Variants in NSUN6 observed in about 807,000 individuals in gnomAD.
The protein encoded by NSUN6 is tRNA (cytosine(72)-C(5))-methyltransferase NSUN6.
A neutral mutation model predicts 58.0 loss-of-function variants in NSUN6; 64 were observed. The ratio of observed to expected loss-of-function variants is 1.10; its 90% CI spans 0.90 to 1.36. The LOEUF (loss-of-function observed/expected upper bound fraction) is 1.36. Among genes scored for constraint, NSUN6 ranks in the 40% most tolerant of loss-of-function variants. The pLI is 0.00. For missense variants in NSUN6, 701 were observed against 550.1 expected, an observed-to-expected ratio of 1.27 and a Z score of -2.74; for synonymous variants, 231 against 193.9, an observed-to-expected ratio of 1.19 and a Z score of -1.59.
intron 9 of NSUN6, 127 bp from the exon 10 acceptor site, chr10:18,548,364 G>A (rs2054414984): frequency 1.3e-6 from 1 of 770,444 alleles, no homozygotes; most frequent in Admixed American, 3.1e-5. Context: ...TATGTGACAA[G>A]GATTCCTTCT....
At chr10:18,560,340 G>C (rs1316458316) in intron 8 of NSUN6, among the ~76,000 whole-genome samples, 6 of 150,244 alleles carry the variant, frequency 4.0e-5, no homozygotes, top group Non-Finnish European at 7.5e-5. Flanking sequence ...AATGGTATGA[G>C]AAATGTAATG....
At chr10:18,619,114 C>T (rs1194012895) in intron 3 of NSUN6, among the ~76,000 whole-genome samples, 3 of 152,170 alleles carry the variant, frequency 2.0e-5, no homozygotes, top group Admixed American at 2.0e-4. Context: ...CTGATTCTTA[C>T]TCATAGTGGT....
At chr10:18,631,122 C>T (rs563906361) in intron 3 of NSUN6, among the ~76,000 whole-genome samples, 1 of 152,270 alleles carries the variant, frequency 6.6e-6, no homozygotes, top group South Asian at 2.1e-4. Context: ...TAAATGTAAT[C>T]CAGCATATAA....
chr10:18,638,341 A>G (rs2059284152), intron 3 of NSUN6, among the ~76,000 whole-genome samples: 1 of 152,072 alleles, frequency 6.6e-6, no homozygotes, highest in Non-Finnish European at 1.5e-5. Flanking sequence ...ACTCGGGAGC[A>G]TGAGGCAGGA....
At chr10:18,635,083 A>T (rs976052483) in intron 3 of NSUN6, among the ~76,000 whole-genome samples, 12 of 152,180 alleles carry the variant, frequency 7.9e-5, no homozygotes, top group African/African-American at 2.9e-4. Context: ...GGATTTTGGT[A>T]TGTGCTACGC....
At chr10:18,560,741 G>C (rs1379817586) in intron 8 of NSUN6, among the ~76,000 whole-genome samples, 1 of 150,622 alleles carries the variant, frequency 6.6e-6, no homozygotes, top group Non-Finnish European at 1.5e-5. Context: ...GAATGGAATA[G>C]AGAATGGAAT....
chr10:18,546,335 C>T (rs1589799071), intron 10 of NSUN6, among the ~76,000 whole-genome samples, 190 bp from the exon 11 acceptor site: 1 of 152,282 alleles, frequency 6.6e-6, no homozygotes, highest in African/African-American at 2.4e-5. Flanking sequence ...GAAAGCAATA[C>T]TATGCGTCAC....
intron 6 of NSUN6, among the ~76,000 whole-genome samples, chr10:18,603,137 A>G (rs1204212992): frequency 6.6e-6 from 1 of 152,134 alleles, no homozygotes; most frequent in Non-Finnish European, 1.5e-5. Flanking sequence ...TACTAAAAAT[A>G]TGAAAATTAG....
Position 18,565,155 on chromosome 10 carries a change from C to G in NSUN6, c.923-13184G>C, listed in dbSNP as rs117508183. The stretch of plus-strand genomic sequence containing the variant: ...TCCATTCTCCATTGCATACCATTCT[C>G]CATTTCATTCCCTTTCATTCTCTGT... On this transcript the variant is annotated intron_variant, in intron 8 of 10. Coordinates refer to ENST00000377304, the MANE Select transcript of NSUN6 (RefSeq NM_182543.5). 2.0e-3 allele frequency among the ~76,000 whole-genome samples: 297 copies of G among 151,326 alleles called. 4 individuals carry two copies. The South Asian group carries it at 0.033, about 17-fold the overall frequency.
chr10:18,597,292 G>T (rs922402833), intron 6 of NSUN6, among the ~76,000 whole-genome samples: 1 of 152,124 alleles, frequency 6.6e-6, no homozygotes, highest in Admixed American at 6.6e-5. Flanking sequence ...AAATTATTTG[G>T]CAAGAAAAAC....
At chr10:18,557,352 G>C (rs1409982743) in intron 8 of NSUN6, among the ~76,000 whole-genome samples, 3 of 150,384 alleles carry the variant, frequency 2.0e-5, no homozygotes, top group Non-Finnish European at 4.4e-5. Flanking sequence ...ATGGAATGGA[G>C]GATGGTATGG....
intron 9 of NSUN6, among the ~76,000 whole-genome samples, chr10:18,550,486 A>C (rs1366639126): frequency 1.3e-5 from 2 of 152,142 alleles, no homozygotes; most frequent in Non-Finnish European, 2.9e-5. Context: ...GGGAGGAAAT[A>C]ATGAATTCAT....
intron 10 of NSUN6, among the ~76,000 whole-genome samples, chr10:18,547,632 T>A (rs1366865891): frequency 6.6e-6 from 1 of 152,188 alleles, no homozygotes; most frequent in Admixed American, 6.5e-5. Flanking sequence ...TAGCAAAGCT[T>A]TTTAAATATT....
At chr10:18,575,823 A>G (rs955642420) in intron 8 of NSUN6, among the ~76,000 whole-genome samples, 2 of 152,160 alleles carry the variant, frequency 1.3e-5, no homozygotes, top group African/African-American at 2.4e-5. Context: ...CAAAAGATCA[A>G]TTCCTAAAAA....
At chr10:18,638,497 G>A (rs1277990718) in intron 3 of NSUN6, among the ~76,000 whole-genome samples, 3 of 151,990 alleles carry the variant, frequency 2.0e-5, no homozygotes, top group Non-Finnish European at 4.4e-5. Context: ...TCAAAATCAA[G>A]CATTACACTG....
chr10:18,605,165 G>A (rs2058003527), intron 6 of NSUN6, among the ~76,000 whole-genome samples: 2 of 150,492 alleles, frequency 1.3e-5, no homozygotes, highest in Admixed American at 6.6e-5. Context: ...GATTACAGGC[G>A]TGAGCCACCG....
intron 8 of NSUN6, among the ~76,000 whole-genome samples, chr10:18,576,994 T>A (rs936906365): frequency 9.2e-5 from 14 of 152,220 alleles, no homozygotes; most frequent in African/African-American, 3.1e-4. Flanking sequence ...ACCAGATCAA[T>A]TTAAAGCCTG....
intron 8 of NSUN6, among the ~76,000 whole-genome samples, chr10:18,561,655 G>A (rs2055519382): frequency 6.8e-6 from 1 of 147,460 alleles, no homozygotes; most frequent in Non-Finnish European, 1.5e-5. Flanking sequence ...TATGGAAAAT[G>A]GAATGGAATG....
In NSUN6 at chr10:18,561,163, T is replaced by TAGA. The variant is rs545682143; in HGVS notation, c.923-9193_923-9192insTCT. Among the ~76,000 whole-genome samples the TAGA allele has an allele frequency of 4.7e-3, 404 of 85,322 alleles. 22 individuals are homozygous for TAGA. The highest frequency in any genetic ancestry group is 6.4e-3 in the Non-Finnish European group (254 of 39,866). The allele number at this position is 85,322 out of a possible 152,430, so 56.0% of individuals were successfully genotyped here. On this transcript the variant is annotated intron_variant, in intron 8 of 10. Transcript: ENST00000377304. ...GAATGTAGAATAGAATGGAATGGAA[T>TAGA]ACAGTGATAAATAGGCTAGAAGGGA...
Sources: gnomAD v4.1 joint callset for allele counts (sites outside exome capture counted in the v4.1 genomes callset) on GRCh38, gnomAD v4.1.1 for gene constraint, MANE v1.5 for transcripts, NCBI Gene and HGNC (gene_info 2026-07-23, HGNC 2026-07-21) for gene names.